The following FAM135A variants were observed in gnomAD, a reference collection of about 807,000 sequenced individuals.
FAM135A encodes the protein family with sequence similarity 135 member A, also known as protein FAM135A.
In FAM135A, 79 loss-of-function variants were observed where a neutral mutation model predicts 146.8. That is an observed-to-expected ratio of 0.54 (90% CI 0.45 to 0.65). The LOEUF is 0.65. FAM135A is among the 30% of genes least tolerant of loss of function. FAM135A has a pLI of 0.00. For synonymous variants in FAM135A, 562 were observed against 603.6 expected (o/e 0.93, Z 1.01); for missense variants, 1,623 against 1,758.2 (o/e 0.92, Z 1.38).
intron 20 of FAM135A, among the ~76,000 whole-genome samples, chr6:70,544,092 A>G (rs2128458612): frequency 6.6e-6 from 1 of 150,484 alleles, no homozygotes; most frequent in Non-Finnish European, 1.5e-5. Context: ...TGTAGAGTTC[A>G]AAACTTAGTA....
At chr6:70,479,020 T>C (rs1282936454) in intron 8 of FAM135A, among the ~76,000 whole-genome samples, 1 of 152,150 alleles carries the variant, frequency 6.6e-6, no homozygotes, top group African/African-American at 2.4e-5. Context: ...GTTTATAAAA[T>C]GTATTACTCT....
At chr6:70,539,017 C>T (rs933861146) in intron 20 of FAM135A, among the ~76,000 whole-genome samples, 31 of 151,822 alleles carry the variant, frequency 2.0e-4, no homozygotes, top group African/African-American at 7.5e-4. Context: ...CCTTTACAAC[C>T]TAAAGTTCCC....
intron 11 of FAM135A, among the ~76,000 whole-genome samples, chr6:70,499,232 C>A (rs930791751): frequency 6.6e-6 from 1 of 152,088 alleles, no homozygotes; most frequent in Non-Finnish European, 1.5e-5. Flanking sequence ...TATGTAATGA[C>A]CCTCTTTGTC....
chr6:70,497,939 T>C (rs1787673395), intron 11 of FAM135A, among the ~76,000 whole-genome samples: 2 of 152,338 alleles, frequency 1.3e-5, no homozygotes. Flanking sequence ...AATTTTCTTT[T>C]TTTGTTATGT....
Position 70,552,465 on chromosome 6 carries a change from CTTTTTTTTTTTTT to C in FAM135A, c.4229-4276_4229-4264del, listed in dbSNP as rs35509125. On this transcript the variant is annotated intron_variant, in intron 20 of 21. Transcript: ENST00000418814. Reference sequence around the variant, plus strand: ...AGTAAAGGGGGAATAGTTGAAGATTCTTTTTTTTTTTTTTTTTTTTTGAGACGGAGGCTTGCTC... The same window carrying C: ...AGTAAAGGGGGAATAGTTGAAGATTCTTTTTTTTGAGACGGAGGCTTGCTC... Among the ~76,000 whole-genome samples, 46 of 96,822 alleles carry C rather than the reference CTTTTTTTTTTTTT, an allele frequency of 4.8e-4. 1 individual carries two copies. In the East Asian group the frequency reaches 0.012, roughly 26 times the overall value. 63.5% of individuals were successfully genotyped at this position (96,822 alleles called of 152,430 possible).
intron 5 of FAM135A, among the ~76,000 whole-genome samples, chr6:70,466,351 G>C (rs1415318579): frequency 6.6e-6 from 1 of 152,048 alleles, no homozygotes; most frequent in Non-Finnish European, 1.5e-5. Flanking sequence ...ATCATTATGA[G>C]TGCATTTTGT....
chr6:70,465,778 C>A (rs550746337), intron 5 of FAM135A, among the ~76,000 whole-genome samples: 1 of 152,324 alleles, frequency 6.6e-6, no homozygotes, highest in African/African-American at 2.4e-5. Context: ...ACAAGAGTTT[C>A]AGTTTCTCCA....
chr6:70,504,675 A>G (rs1421795817), intron 12 of FAM135A: 1 of 152,208 alleles, frequency 6.6e-6, no homozygotes, highest in Non-Finnish European at 1.5e-5. Context: ...TCAGAAACTT[A>G]CAGAAGACTT....
At chr6:70,436,368 G>A (rs527305224) in intron 4 of FAM135A, among the ~76,000 whole-genome samples, 50 of 152,246 alleles carry the variant, frequency 3.3e-4, no homozygotes, top group African/African-American at 1.2e-3. Context: ...TCAGTTTTAA[G>A]AATCAGCCCT....
chr6:70,551,820 G>A (rs1313553309), intron 20 of FAM135A, among the ~76,000 whole-genome samples: 1 of 152,096 alleles, frequency 6.6e-6, no homozygotes, highest in African/African-American at 2.4e-5. Flanking sequence ...CATAGGCATG[G>A]TTCATGGCAT....
At chr6:70,459,817 C>T (rs1562460406) in intron 5 of FAM135A, among the ~76,000 whole-genome samples, 1 of 152,104 alleles carries the variant, frequency 6.6e-6, no homozygotes, top group East Asian at 1.9e-4. Flanking sequence ...ATTACGAGGT[C>T]AGGAGTTCGA....
At chr6:70,549,988 A>T (rs1463490975) in intron 20 of FAM135A, among the ~76,000 whole-genome samples, 1 of 152,230 alleles carries the variant, frequency 6.6e-6, no homozygotes, top group African/African-American at 2.4e-5. Context: ...ATTCCATCTC[A>T]AGAAACCACT....
Position 70,560,245 on chromosome 6 carries a change from C to A in FAM135A, c.*324C>A, listed in dbSNP as rs945064298. On this transcript the variant is annotated 3_prime_UTR_variant, in exon 22 of 22. Transcript: ENST00000418814. ...TATTGGCTTTCCACAATTCTTACAT[C>A]AGACTACATTATATTAGAGACCATT... 3 of 221,032 alleles carry A rather than the reference C, an allele frequency of 1.4e-5. No homozygotes were observed. Among genetic ancestry groups the A allele is most frequent in the African/African-American group, 7.0e-5 (3 of 42,744 alleles). 13.7% of individuals were successfully genotyped at this position (221,032 alleles called of 1,614,324 possible).
Position 70,457,941 on chromosome 6 carries a change from G to A in FAM135A, c.157+5370G>A, listed in dbSNP as rs1025972359. 1.1e-4 allele frequency among the ~76,000 whole-genome samples: 17 copies of A among 151,840 alleles called. No homozygotes were observed. In the East Asian group the frequency reaches 1.9e-3, roughly 17 times the overall value. Reference sequence around the variant, plus strand: ...CAACTAAGTTTCTAGGTTCTGATACGATCAGTTGCATATAATAGACTATGA... The same window carrying A: ...CAACTAAGTTTCTAGGTTCTGATACAATCAGTTGCATATAATAGACTATGA... On this transcript the variant is annotated intron_variant, in intron 5 of 21. Coordinates refer to ENST00000418814, the MANE Select transcript of FAM135A (RefSeq NM_001162529.3).
intron 4 of FAM135A, among the ~76,000 whole-genome samples, chr6:70,452,280 T>C (rs1373202330): frequency 6.6e-6 from 1 of 152,104 alleles, no homozygotes; most frequent in African/African-American, 2.4e-5. Context: ...TTCATTTATC[T>C]TTATATATAC....
chr6:70,419,504 AC>A (rs1255257820), intron 2 of FAM135A, among the ~76,000 whole-genome samples: 1 of 152,144 alleles, frequency 6.6e-6, no homozygotes, highest in Non-Finnish European at 1.5e-5. Context: ...AAATTAGACT[AC>A]CTAGTATTAA....
At position 70,482,092 on chromosome 6, in the gene FAM135A, G is replaced by A; in HGVS notation, c.761G>A (p.Gly254Glu). 1 of 1,613,774 alleles carries A rather than the reference G, an allele frequency of 6.2e-7. No individual in the cohort carries two copies. Among genetic ancestry groups the A allele is most frequent in the Non-Finnish European group, 8.5e-7 (1 of 1,179,814 alleles). Reference sequence around the variant, plus strand: ...GCCACTTTGCTGCTAGCCTTCAAGGGATTGCACAGCTACTTCATTACAGTA... The same window carrying A: ...GCCACTTTGCTGCTAGCCTTCAAGGAATTGCACAGCTACTTCATTACAGTA... ...LCATLLLAFK[G>E]LHSYFITVTE... Residue 254 changes from glycine to glutamate, a missense_variant, in exon 10 of 22, where the codon GGA becomes GAA. This residue lies in a region of FAM135A where 206 missense variants were observed against 194.7 expected (regional missense o/e 1.06). Transcript: ENST00000418814.
At chr6:70,445,610 G>A (rs1775524991) in intron 4 of FAM135A, among the ~76,000 whole-genome samples, 1 of 152,162 alleles carries the variant, frequency 6.6e-6, no homozygotes, top group Non-Finnish European at 1.5e-5. Context: ...AATGGGTTTG[G>A]CTAGTTATCT....
intron 10 of FAM135A, chr6:70,486,030 G>A: frequency 3.6e-6 from 2 of 556,716 alleles, no homozygotes; most frequent in Non-Finnish European, 6.2e-6. Context: ...TACATCATTT[G>A]TAATTTTGAT....
Sources: gnomAD v4.1 joint callset for allele counts (sites outside exome capture counted in the v4.1 genomes callset) on GRCh38, gnomAD v4.1.1 for gene constraint, gnomAD v4.1.1 regional missense constraint, MANE v1.5 for transcripts, NCBI Gene and HGNC (gene_info 2026-07-23, HGNC 2026-07-21) for gene names.